Variants in WWC2 observed in about 807,000 individuals in gnomAD.
WWC2 encodes WW and C2 domain containing 2, also known as protein WWC2.
In WWC2, 101 loss-of-function variants were observed where a neutral mutation model predicts 138.5. The observed-to-expected ratio is 0.73, with a 90% confidence interval of 0.62 to 0.86. The LOEUF (loss-of-function observed/expected upper bound fraction) is 0.86. Among genes scored for constraint, WWC2 ranks in the 40% least tolerant of loss-of-function variants. The pLI is 0.00. For missense variants in WWC2, 1,420 were observed against 1,419.4 expected (o/e 1.00, Z -0.01); for synonymous variants, 558 against 538.4 (o/e 1.04, Z -0.50).
At chr4:183,129,176 A>T (rs1317245505) in intron 1 of WWC2, among the ~76,000 whole-genome samples, 4 of 152,250 alleles carry the variant, frequency 2.6e-5, no homozygotes, top group African/African-American at 9.6e-5. Flanking sequence ...GAGTTCATTT[A>T]GAGCTAACGG....
intron 21 of WWC2, among the ~76,000 whole-genome samples, chr4:183,310,667 A>T (rs1275001039): frequency 8.4e-5 from 11 of 130,964 alleles, no homozygotes; most frequent in Admixed American, 7.0e-4. Context: ...CACCTAGCTA[A>T]TTTTTTTTTT....
intron 1 of WWC2, among the ~76,000 whole-genome samples, chr4:183,182,861 ACTTCTG>A (rs1282269953): frequency 6.6e-6 from 1 of 152,234 alleles, no homozygotes; most frequent in Admixed American, 6.5e-5. Context: ...ATATACTATT[ACTTCTG>A]TATAAATAGA....
chr4:183,188,947 T>G (rs1734902038), intron 1 of WWC2, among the ~76,000 whole-genome samples: 1 of 151,844 alleles, frequency 6.6e-6, no homozygotes, highest in Non-Finnish European at 1.5e-5. Flanking sequence ...TGCCTGCCCC[T>G]CTAATATGAC....
Position 183,208,174 on chromosome 4 carries a change from A to C in WWC2, c.445+18A>C. ...CACAAGCTGTAAGTACAGTGTGGCT[A>C]TTCAGACTTTGGAAGTGGAGACTGA... On this transcript the variant is annotated intron_variant, in intron 3 of 22. Coordinates refer to ENST00000403733, the MANE Select transcript of WWC2 (RefSeq NM_024949.6). 2 of 1,612,462 alleles carry C rather than the reference A, an allele frequency of 1.2e-6. No individual in the cohort carries two copies. The highest frequency in any genetic ancestry group is 2.2e-5 in the South Asian group (2 of 90,740).
At chr4:183,127,613 T>C (rs1732799832) in intron 1 of WWC2, among the ~76,000 whole-genome samples, 1 of 152,132 alleles carries the variant, frequency 6.6e-6, no homozygotes, top group African/African-American at 2.4e-5. Context: ...TATTTGGGAT[T>C]TTTGCTAAAT....
chr4:183,159,858 G>A (rs1402066584), intron 1 of WWC2, among the ~76,000 whole-genome samples: 1 of 151,830 alleles, frequency 6.6e-6, no homozygotes, highest in Non-Finnish European at 1.5e-5. Context: ...TTTGATCACA[G>A]TGTAGGGATC....
intron 1 of WWC2, among the ~76,000 whole-genome samples, chr4:183,142,127 G>T (rs1358980365): frequency 6.6e-6 from 1 of 152,186 alleles, no homozygotes; most frequent in African/African-American, 2.4e-5. Context: ...TTTGAGAAAA[G>T]AACATTTTCT....
At chr4:183,272,381 C>G (rs773650913) in intron 16 of WWC2, among the ~76,000 whole-genome samples, 1 of 152,146 alleles carries the variant, frequency 6.6e-6, no homozygotes, top group African/African-American at 2.4e-5. Flanking sequence ...AATGGTCACA[C>G]TTTATGTAAG....
chr4:183,133,792 G>A (rs1439231671), intron 1 of WWC2, among the ~76,000 whole-genome samples: 4 of 152,150 alleles, frequency 2.6e-5, no homozygotes, highest in African/African-American at 7.2e-5. Context: ...ACCATGCCCC[G>A]CCTTCTCATG....
Position 183,245,483 on chromosome 4 carries a change from G to A in WWC2, c.670G>A (p.Glu224Lys), listed in dbSNP as rs1318507929. 6.2e-7 allele frequency: 1 copy of A among 1,608,584 alleles called. No homozygotes were observed. Among genetic ancestry groups the A allele is most frequent in the Non-Finnish European group, 8.5e-7 (1 of 1,177,820 alleles). Reference protein sequence around the residue: ...ELSEAKAILTELKSIRKAISS... With the variant: ...ELSEAKAILTKLKSIRKAISS... ...CAGTGAAGCCAAAGCCATTCTAACA[G>A]AACTAAAATCTATCAGAAAGGCAAT... Residue 224 changes from glutamate (E) to lysine (K), a missense_variant, in exon 6 of 23, where the codon GAA (glutamate) becomes AAA (lysine). Transcript: ENST00000403733.
At chr4:183,276,415 T>A (rs1418895818) in intron 16 of WWC2, among the ~76,000 whole-genome samples, 1 of 152,094 alleles carries the variant, frequency 6.6e-6, no homozygotes, top group Non-Finnish European at 1.5e-5. Context: ...GAATTATTTT[T>A]AAATTTTCGT....
chr4:183,198,986 A>T (rs1288185724), intron 2 of WWC2, among the ~76,000 whole-genome samples: 1 of 152,158 alleles, frequency 6.6e-6, no homozygotes, highest in African/African-American at 2.4e-5. Context: ...CCACCATGCC[A>T]GGAGAAGATG....
intron 1 of WWC2, among the ~76,000 whole-genome samples, chr4:183,150,873 C>G (rs1416400804): frequency 6.6e-6 from 1 of 152,100 alleles, no homozygotes; most frequent in Non-Finnish European, 1.5e-5. Flanking sequence ...CGAACTCATC[C>G]TTTTTTATGG....
intron 9 of WWC2, among the ~76,000 whole-genome samples, chr4:183,256,729 G>A (rs113266744): frequency 0.02 from 3,100 of 152,234 alleles, 110 homozygotes; most frequent in African/African-American, 0.071. Context: ...AAAGCTACCT[G>A]CCGTATTCCC....
chr4:183,118,014 G>A (rs1732473754), intron 1 of WWC2, among the ~76,000 whole-genome samples: 1 of 151,592 alleles, frequency 6.6e-6, no homozygotes, highest in South Asian at 2.1e-4. Context: ...TGGCCAGGCT[G>A]GTCTTGAACT....
At chr4:183,302,781 A>T (rs1738895092) in intron 21 of WWC2, among the ~76,000 whole-genome samples, 2 of 152,166 alleles carry the variant, frequency 1.3e-5, no homozygotes, top group African/African-American at 4.8e-5. Context: ...TGTCAGATAG[A>T]GGCTGGGTGC....
chr4:183,101,994 G>A (rs1579935918), intron 1 of WWC2, among the ~76,000 whole-genome samples: 1 of 152,162 alleles, frequency 6.6e-6, no homozygotes, highest in African/African-American at 2.4e-5. Context: ...TGCCGATTTA[G>A]TAGGGGAGGC....
intron 9 of WWC2, among the ~76,000 whole-genome samples, chr4:183,256,909 T>A (rs1737168126): frequency 2.1e-5 from 2 of 96,798 alleles, no homozygotes; most frequent in South Asian, 3.3e-4. Flanking sequence ...CCCCCGGCTC[T>A]GTTCCTGCCC....
At chr4:183,232,253 T>G (rs1283391331) in intron 4 of WWC2, among the ~76,000 whole-genome samples, 1 of 152,240 alleles carries the variant, frequency 6.6e-6, no homozygotes, top group African/African-American at 2.4e-5. Context: ...GTTTATTTTT[T>G]TAATTTAACA....
Sources: allele counts gnomAD v4.1 joint callset (sites outside exome capture counted in the v4.1 genomes callset), GRCh38; gene constraint gnomAD v4.1.1; transcripts MANE v1.5; gene names NCBI Gene and HGNC (gene_info 2026-07-23, HGNC 2026-07-21).